The following ALG8 variants were observed in gnomAD, a reference collection of about 807,000 sequenced individuals.
The protein encoded by ALG8 is ALG8 alpha-1,3-glucosyltransferase.
In ALG8, 48 loss-of-function variants were observed where a neutral mutation model predicts 70.2. That is an observed-to-expected ratio of 0.68 (90% confidence interval 0.54 to 0.87). ALG8 has a LOEUF of 0.87. Among genes scored for constraint, ALG8 ranks in the 40% least tolerant of loss-of-function variants. The pLI, the probability that ALG8 is intolerant of heterozygous loss-of-function variation, is 0.00. For synonymous variants in ALG8, 234 were observed against 229.0 expected (o/e 1.02, Z -0.20); for missense variants, 572 against 608.7 (o/e 0.94, Z 0.64).
intron 1 of ALG8, 148 bp downstream of exon 1, chr11:78,139,346 G>C (rs1861695303): frequency 2.5e-6 from 2 of 812,224 alleles, no homozygotes; most frequent in Admixed American, 4.5e-5. Context: ...GTAACAACTG[G>C]CGAAACAGAA....
chr11:78,128,819 T>C (rs1861188086), intron 1 of ALG8, among the ~76,000 whole-genome samples: 1 of 151,704 alleles, frequency 6.6e-6, no homozygotes, highest in African/African-American at 2.4e-5. Flanking sequence ...TTTTACTGTG[T>C]TGGCCAGGAT....
rs1385715213 is a variant in ALG8, at chr11:78,126,329, G to A, written c.174+1029C>T. ...GTGGATCACCTGAGGTCCGGAGTTC[G>A]AGACCAGCCTGGCCAACATGGGGAA... On this transcript the variant is annotated intron_variant, in intron 2 of 12. Coordinates refer to ENST00000299626, the MANE Select transcript of ALG8 (RefSeq NM_024079.5). Among the ~76,000 whole-genome samples, 5 of 151,688 alleles carry A rather than the reference G, an allele frequency of 3.3e-5. No homozygotes were observed. The East Asian group carries it at 9.7e-4, about 29-fold the overall frequency.
intron 5 of ALG8, among the ~76,000 whole-genome samples, chr11:78,115,825 G>C (rs904645472): frequency 6.6e-6 from 1 of 152,184 alleles, no homozygotes; most frequent in Non-Finnish European, 1.5e-5. Flanking sequence ...TTAGGAATTA[G>C]AGCCCAGAGA....
At chr11:78,129,991 T>A (rs1861233960) in intron 1 of ALG8, among the ~76,000 whole-genome samples, 1 of 151,846 alleles carries the variant, frequency 6.6e-6, no homozygotes, top group Non-Finnish European at 1.5e-5. Context: ...TGTATAAAAT[T>A]CAAAAACAAA....
At chr11:78,121,221 T>C (rs1436368913) in intron 3 of ALG8, 47 bp from the exon 4 acceptor site, 2 of 1,302,940 alleles carry the variant, frequency 1.5e-6, no homozygotes, top group Non-Finnish European at 2.2e-6. Context: ...TTGATCTTCA[T>C]CGGAACATCA....
chr11:78,136,992 C>A (rs190853856), intron 1 of ALG8, among the ~76,000 whole-genome samples: 1 of 152,040 alleles, frequency 6.6e-6, no homozygotes, highest in African/African-American at 2.4e-5. Flanking sequence ...ACCTCCACCT[C>A]CCGGGTTCAA....
chr11:78,134,510 G>T (rs1205541361), intron 1 of ALG8, among the ~76,000 whole-genome samples: 1 of 152,194 alleles, frequency 6.6e-6, no homozygotes, highest in African/African-American at 2.4e-5. Context: ...TTTCACAAAA[G>T]ATTCCTCTAG....
intron 1 of ALG8, among the ~76,000 whole-genome samples, chr11:78,130,149 C>T (rs1022372984): frequency 6.6e-6 from 1 of 151,972 alleles, no homozygotes; most frequent in Non-Finnish European, 1.5e-5. Flanking sequence ...CTCAGGAGTT[C>T]AAGACCAGCC....
At chr11:78,110,088 T>C (rs1860215328) in intron 8 of ALG8, among the ~76,000 whole-genome samples, 1 of 152,250 alleles carries the variant, frequency 6.6e-6, no homozygotes, top group African/African-American at 2.4e-5. Context: ...TGTGTCCCTC[T>C]GCCCAGGCAA....
intron 1 of ALG8, 107 bp downstream of exon 1, chr11:78,139,387 C>T: frequency 9.0e-7 from 1 of 1,116,482 alleles, no homozygotes; most frequent in Non-Finnish European, 1.3e-6. Context: ...GCGACAAACA[C>T]GACCTAAAGT....
chr11:78,116,261 T>C (rs1860560592), intron 5 of ALG8, among the ~76,000 whole-genome samples: 1 of 152,066 alleles, frequency 6.6e-6, no homozygotes, highest in South Asian at 2.1e-4. Context: ...CTTGGGAGGC[T>C]GAGACACGAG....
intron 7 of ALG8, 25 bp downstream of exon 7, chr11:78,113,861 G>GAAAAAAAAAAAAAAAAAAAAATAAAAAAA: frequency 8.1e-7 from 1 of 1,241,918 alleles, no homozygotes; most frequent in East Asian, 2.7e-5. Context: ...TGTATTAATT[G>GAAAAAAAAAAAAAAAAAAAAATAAAAAAA]AAAAAAAAAA....
chr11:78,125,324 G>A (rs915201888), intron 2 of ALG8, among the ~76,000 whole-genome samples: 2 of 151,552 alleles, frequency 1.3e-5, no homozygotes, highest in East Asian at 1.9e-4. Flanking sequence ...GAGCCACCGC[G>A]CCCAGCCTAA....
intron 12 of ALG8, among the ~76,000 whole-genome samples, chr11:78,103,165 A>C (rs1430881263): frequency 6.6e-6 from 1 of 152,034 alleles, no homozygotes; most frequent in East Asian, 1.9e-4. Flanking sequence ...ATCTCTAATA[A>C]AAATACAAAA....
chr11:78,123,882 C>A, intron 3 of ALG8, 139 bp downstream of exon 3: 1 of 970,694 alleles, frequency 1.0e-6, no homozygotes, highest in South Asian at 1.4e-5. Context: ...TAGTTTAAAG[C>A]ACAATACAAT....
rs762651984 is a variant in ALG8, at chr11:78,114,401, T to A, written c.547-9A>T. ...CCTTCCATATGCCTTTTCTAGGAGA[T>A]TTAAAAGGGAAATATCACTTTAAAA... On this transcript the variant is annotated splice_polypyrimidine_tract_variant and intron_variant, in intron 5 of 12. Coordinates refer to ENST00000299626, the MANE Select transcript of ALG8 (RefSeq NM_024079.5). 44 of 1,613,476 alleles carry A rather than the reference T, an allele frequency of 2.7e-5. No individual in the cohort carries two copies. Among genetic ancestry groups the A allele is most frequent in the Non-Finnish European group, 3.4e-5 (40 of 1,179,856 alleles).
Position 78,121,281 on chromosome 11 carries a change from G to A in ALG8, c.369-107C>T, listed in dbSNP as rs908672162. 3.0e-5 allele frequency: 23 copies of A among 762,188 alleles called. No individual in the cohort carries two copies. In the African/African-American group the frequency reaches 3.6e-4, roughly 12 times the overall value. The allele number at this position is 762,188 out of a possible 1,614,324, so 47.2% of individuals were successfully genotyped here. A position where few individuals can be genotyped will look rare whatever the true frequency, so the allele number is the denominator to read the frequency against. ...ATTAGTCATTCCTGACAAACTACAT[G>A]CCATTCTTTTTTTTTTTTTTTTCCA... is the stretch of plus-strand genomic sequence containing the variant. On this transcript the variant is annotated intron_variant, in intron 3 of 12. Transcript: ENST00000299626.
At chr11:78,105,386 C>T (rs1039029892) in intron 10 of ALG8, among the ~76,000 whole-genome samples, 2 of 152,072 alleles carry the variant, frequency 1.3e-5, no homozygotes, top group African/African-American at 4.8e-5. Flanking sequence ...GTTTTTTTAG[C>T]ATGGCATAGT....
chr11:78,124,350 C>T (rs1419837678), intron 2 of ALG8, 136 bp from the exon 3 acceptor site: 5 of 846,990 alleles, frequency 5.9e-6, no homozygotes, highest in South Asian at 1.5e-5. Context: ...CACCTGTAAC[C>T]CCAGCACTTT....
Sources: gnomAD v4.1 joint callset for allele counts (sites outside exome capture counted in the v4.1 genomes callset) on GRCh38, gnomAD v4.1.1 for gene constraint, MANE v1.5 for transcripts, NCBI Gene and HGNC (gene_info 2026-07-23, HGNC 2026-07-21) for gene names.